Variants in ZNF469 observed in about 807,000 individuals in gnomAD.
The protein encoded by ZNF469 is zinc finger protein 469.
Under a neutral mutation model 1.0 loss-of-function variants are expected in ZNF469, and 1 was observed. That is an observed-to-expected ratio of 1.00 (90% CI 0.35 to 4.73). ZNF469 has a LOEUF of 4.73. ZNF469 is among the 30% of genes most tolerant of loss of function. ZNF469 has a pLI of 0.16. For synonymous variants in ZNF469, 2,703 were observed against 2,363.4 expected (o/e 1.14, Z -4.17); for missense variants, 6,100 against 5,356.3 (o/e 1.14, Z -4.33).
At chr16:88,108,608 C>T in the ZNF469 span, among the ~76,000 whole-genome samples, 1 of 152,176 alleles carries the variant, frequency 6.6e-6, no homozygotes, top group East Asian at 1.9e-4. Flanking sequence ...AGAGAACTCT[C>T]GGCTCAAGGG....
At chr16:88,209,364 C>T in the ZNF469 span, among the ~76,000 whole-genome samples, 1 of 151,836 alleles carries the variant, frequency 6.6e-6, no homozygotes, top group Non-Finnish European at 1.5e-5. Flanking sequence ...GACCTTGACT[C>T]ACTGCAAGCT....
At position 88,438,492 on chromosome 16, in the gene ZNF469, G is replaced by A. The variant is rs1002770054; in HGVS notation, c.11022G>A (p.Ala3674=). The change falls in exon 3 of 3, where the codon GCG becomes GCA. Residue 3674 remains alanine, a synonymous_variant. Coordinates refer to ENST00000565624, the MANE Select transcript of ZNF469 (RefSeq NM_001367624.2). ...AFHKGSATKP[A]GCQSSSKDRS... ...ACAAGGGCAGCGCCACCAAGCCTGC[G>A]GGCTGCCAGAGCTCATCAAAGGACA... 142 of 1,549,980 alleles carry A rather than the reference G, an allele frequency of 9.2e-5. No individual in the cohort carries two copies. In the Middle Eastern group the frequency reaches 1.0e-3, roughly 11 times the overall value.
Position 88,429,801 on chromosome 16 carries a change from C to A in ZNF469, c.2331C>A (p.Pro777=). ...SPGPPGLPSP[P]AAPRVPADAH... is the part of the protein sequence containing the mutation. ...GCCCCCCTGGGCTCCCCTCGCCCCC[C>A]GCTGCCCCCAGAGTCCCTGCCGACG... The change falls in exon 3 of 3, where the codon CCC becomes CCA. Residue 777 remains proline, a synonymous_variant. Coordinates refer to ENST00000565624, the MANE Select transcript of ZNF469 (RefSeq NM_001367624.2). 6.5e-7 allele frequency: 1 copy of A among 1,545,336 alleles called. No individual in the cohort carries two copies. Among genetic ancestry groups the A allele is most frequent in the Non-Finnish European group, 8.7e-7 (1 of 1,144,250 alleles).
chr16:88,434,067 G>A lies in ZNF469; in HGVS notation c.6597G>A (p.Leu2199=), dbSNP rs1906392168. ...AEDSPVAPPS[L]TTSPCDPKEA... ...ATTCCCCGGTGGCTCCCCCGTCTTT[G>A]ACAACAAGCCCCTGCGATCCCAAGG... is the stretch of plus-strand genomic sequence containing the variant. Residue 2199 remains leucine (L), a synonymous_variant, in exon 3 of 3, where the codon TTG becomes TTA. Transcript: ENST00000565624. 6 of 1,550,352 alleles carry A rather than the reference G, an allele frequency of 3.9e-6. No homozygotes were observed. Among genetic ancestry groups the A allele is most frequent in the African/African-American group, 1.4e-5 (1 of 73,170 alleles).
the ZNF469 span, among the ~76,000 whole-genome samples, chr16:88,368,452 A>G: frequency 6.6e-6 from 1 of 152,204 alleles, no homozygotes; most frequent in Non-Finnish European, 1.5e-5. Flanking sequence ...GCTTCCTGAA[A>G]CCATCTAGCT....
chr16:88,326,850 T>C, the ZNF469 span, among the ~76,000 whole-genome samples: 10 of 152,302 alleles, frequency 6.6e-5, no homozygotes, highest in African/African-American at 2.4e-4. Flanking sequence ...GGCTGCCTTG[T>C]CTGCACTTCA....
chr16:88,192,718 GTGA>G, the ZNF469 span, among the ~76,000 whole-genome samples: 4 of 152,150 alleles, frequency 2.6e-5, no homozygotes, highest in East Asian at 1.9e-4. Flanking sequence ...GATAATGGTG[GTGA>G]TGATGGTGTT....
the ZNF469 span, among the ~76,000 whole-genome samples, chr16:88,343,205 C>T: frequency 2.6e-5 from 4 of 152,334 alleles, no homozygotes; most frequent in East Asian, 1.9e-4. Context: ...TCTCCTGGAC[C>T]TCCGTCCAGA....
chr16:88,370,393 T>C, the ZNF469 span, among the ~76,000 whole-genome samples: 4 of 152,164 alleles, frequency 2.6e-5, no homozygotes, highest in Admixed American at 2.6e-4. Context: ...GGGAAAGCCA[T>C]GACACAGAGT....
chr16:88,386,232 C>T (rs550801505), intron 1 of ZNF469, among the ~76,000 whole-genome samples: 10 of 152,256 alleles, frequency 6.6e-5, no homozygotes, highest in African/African-American at 2.2e-4. Context: ...ACCAGCCCGT[C>T]CTCCTGCTCA....
chr16:88,354,033 C>A, the ZNF469 span, among the ~76,000 whole-genome samples: 1 of 152,212 alleles, frequency 6.6e-6, no homozygotes, highest in East Asian at 1.9e-4. Flanking sequence ...AATGTAAGGA[C>A]ACAGGGCCAG....
chr16:88,342,065 G>A, the ZNF469 span, among the ~76,000 whole-genome samples: 1 of 151,994 alleles, frequency 6.6e-6, no homozygotes, highest in Admixed American at 6.6e-5. Flanking sequence ...AGCAACATGT[G>A]CAGGGCGGGG....
chr16:88,326,736 C>A, the ZNF469 span, among the ~76,000 whole-genome samples: 10 of 152,186 alleles, frequency 6.6e-5, no homozygotes, highest in African/African-American at 2.4e-4. Context: ...ACCTTAGAGA[C>A]CTTCCAGAAC....
chr16:88,300,091 A>G, the ZNF469 span, among the ~76,000 whole-genome samples: 19 of 152,282 alleles, frequency 1.2e-4, no homozygotes, highest in African/African-American at 4.6e-4. Flanking sequence ...ACTGGCTTAC[A>G]CCATTGTCCC....
chr16:88,427,434 G>C lies in ZNF469; in HGVS notation c.-37G>C, dbSNP rs1468772223. On this transcript the variant is annotated 5_prime_UTR_variant, in exon 3 of 3. Transcript: ENST00000565624. ...AGCCCACTCCCCAGGGCCCCCCTCGGACAGCTGCGTCGTCCTAGCGCCAGG... is the reference window on the plus strand; with the variant it reads ...AGCCCACTCCCCAGGGCCCCCCTCGCACAGCTGCGTCGTCCTAGCGCCAGG... The C allele has an allele frequency of 6.9e-7, 1 of 1,446,890 alleles. No individual in the cohort carries two copies. Among genetic ancestry groups the C allele is most frequent in the Admixed American group, 2.6e-5 (1 of 39,168 alleles). 89.6% of individuals were successfully genotyped at this position (1,446,890 alleles called of 1,614,324 possible).
rs1415487856 is a variant in ZNF469, at chr16:88,437,347, G to A, written c.9877G>A (p.Ala3293Thr). 5 of 1,544,128 alleles carry A rather than the reference G, an allele frequency of 3.2e-6. No individual in the cohort carries two copies. In the Admixed American group the frequency reaches 5.9e-5, roughly 18 times the overall value. ...GGCCGCGACCCCAGACAGCGCCTCT[G>A]CCACCGCCCTGGCTGACGCCGGCAG... ...DGAATPDSAS[A>T]TALADAGSPG... The change falls in exon 3 of 3, where the codon GCC (alanine) becomes ACC (threonine). Residue 3293 changes from alanine (A) to threonine (T), a missense_variant. Coordinates refer to ENST00000565624, the MANE Select transcript of ZNF469 (RefSeq NM_001367624.2).
chr16:88,193,614 A>G, the ZNF469 span: 1 of 152,268 alleles, frequency 6.6e-6, no homozygotes, highest in South Asian at 2.1e-4. Context: ...AAGTAGGAGG[A>G]TAGCTTGAGC....
At chr16:88,340,669 C>T in the ZNF469 span, among the ~76,000 whole-genome samples, 1 of 144,334 alleles carries the variant, frequency 6.9e-6, no homozygotes, top group Non-Finnish European at 1.5e-5. Context: ...GCTTAACAGC[C>T]GGGAGCACAG....
chr16:88,113,819 T>C, the ZNF469 span, among the ~76,000 whole-genome samples: 2 of 152,192 alleles, frequency 1.3e-5, no homozygotes, highest in Non-Finnish European at 2.9e-5. Context: ...GGAGATCAGA[T>C]ACACATGCAG....
Sources: allele counts gnomAD v4.1 joint callset (sites outside exome capture counted in the v4.1 genomes callset), GRCh38; gene constraint gnomAD v4.1.1; transcripts MANE v1.5; gene names NCBI Gene and HGNC (gene_info 2026-07-23, HGNC 2026-07-21).